The following NELL1 variants were observed in gnomAD, a reference collection of about 807,000 sequenced individuals.
NELL1 encodes the protein neural EGFL like 1, also known as protein kinase C-binding protein NELL1.
A neutral mutation model predicts 107.4 loss-of-function variants in NELL1; 76 were observed. That is an observed-to-expected ratio of 0.71 (90% confidence interval 0.59 to 0.86). The LOEUF (loss-of-function observed/expected upper bound fraction) is 0.86, where lower values mean the gene tolerates loss of function less well. NELL1 is among the 40% of genes least tolerant of loss of function. The pLI is 0.00. For missense variants in NELL1, 1,024 were observed against 1,005.5 expected (o/e 1.02, Z -0.25); for synonymous variants, 353 against 341.2 (o/e 1.03, Z -0.38).
chr11:20,936,100 A>G (rs750421986), intron 9 of NELL1, among the ~76,000 whole-genome samples: 84 of 152,268 alleles, frequency 5.5e-4, no homozygotes, highest in Non-Finnish European at 2.1e-4. Flanking sequence ...TGAAGGAAGA[A>G]GAATTGGGCA....
At chr11:20,757,084 C>T (rs1231787042) in intron 2 of NELL1, among the ~76,000 whole-genome samples, 1 of 152,020 alleles carries the variant, frequency 6.6e-6, no homozygotes, top group African/African-American at 2.4e-5. Flanking sequence ...TCTTCTTTCT[C>T]TCCCAACTTT....
intron 1 of NELL1, among the ~76,000 whole-genome samples, chr11:20,673,937 C>T (rs868142372): frequency 6.6e-6 from 1 of 151,974 alleles, no homozygotes; most frequent in African/African-American, 2.4e-5. Context: ...ATTCCCTAGG[C>T]AGTATGCAAA....
rs1793006 is a variant in NELL1 at position 20,674,539 on chromosome 11, C to T, written c.56-3393C>T. ...ATCGCTGATATGGAGAACTAGAGTTCTGAAGTCTCTGCTTCAGCAATCCCT... is the reference window on the plus strand; with the variant it reads ...ATCGCTGATATGGAGAACTAGAGTTTTGAAGTCTCTGCTTCAGCAATCCCT... On this transcript the variant is annotated intron_variant, in intron 1 of 19. Coordinates refer to ENST00000357134, the MANE Select transcript of NELL1 (RefSeq NM_006157.5). 5.4e-3 allele frequency: 8,343 copies of T among 1,535,608 alleles called. 365 individuals carry two copies. In the African/African-American group the frequency reaches 0.093, roughly 17 times the overall value.
In NELL1 at chr11:21,572,055, C is replaced by A. The variant is rs538034242; in HGVS notation, c.2157+1115C>A. ...TCACTCCTATGACTGAGAAGCATGA[C>A]TCAGATAAATAAAAATTGTAGTCAT... On this transcript the variant is annotated intron_variant, in intron 18 of 19. Transcript: ENST00000357134. Among the ~76,000 whole-genome samples, 37 of 151,416 alleles carry A rather than the reference C, an allele frequency of 2.4e-4. No individual in the cohort carries two copies. In the South Asian group the frequency reaches 7.3e-3, roughly 30 times the overall value.
chr11:21,010,579 T>C (rs1852425403), intron 12 of NELL1, among the ~76,000 whole-genome samples: 1 of 152,054 alleles, frequency 6.6e-6, no homozygotes, highest in Admixed American at 6.6e-5. Flanking sequence ...CTGGTTTCCT[T>C]CTTCCTCAAA....
At chr11:20,751,785 C>A (rs1292008696) in intron 2 of NELL1, among the ~76,000 whole-genome samples, 1 of 152,100 alleles carries the variant, frequency 6.6e-6, no homozygotes, top group Non-Finnish European at 1.5e-5. Context: ...TCACCATGGC[C>A]AGCTTTTTGT....
intron 15 of NELL1, among the ~76,000 whole-genome samples, chr11:21,518,860 T>G (rs1855640022): frequency 6.6e-6 from 1 of 152,204 alleles, no homozygotes; most frequent in African/African-American, 2.4e-5. Context: ...GAGATAAAAA[T>G]ATTCCATTGG....
intron 12 of NELL1, among the ~76,000 whole-genome samples, chr11:21,014,968 AT>A (rs1297501953): frequency 6.6e-6 from 1 of 151,936 alleles, no homozygotes; most frequent in Admixed American, 6.6e-5. Flanking sequence ...TTTATCAGAT[AT>A]TTTCTTTTTC....
chr11:21,274,304 T>C (rs1357891978), intron 14 of NELL1, among the ~76,000 whole-genome samples: 4 of 149,916 alleles, frequency 2.7e-5, no homozygotes, highest in Non-Finnish European at 4.5e-5. Flanking sequence ...AAGAGACAAG[T>C]CCATTACATA....
chr11:21,295,104 T>A (rs1849347225), intron 14 of NELL1, among the ~76,000 whole-genome samples: 1 of 152,062 alleles, frequency 6.6e-6, no homozygotes, highest in African/African-American at 2.4e-5. Context: ...TCAGGTATGG[T>A]TGTAATTGGT....
chr11:21,157,155 A>ATG, intron 13 of NELL1, among the ~76,000 whole-genome samples: 1 of 138,238 alleles, frequency 7.2e-6, no homozygotes, highest in South Asian at 2.3e-4. Flanking sequence ...GTATGTATAT[A>ATG]TATATATGTG....
At chr11:21,255,132 GGTGGA>G (rs1230640151) in intron 14 of NELL1, among the ~76,000 whole-genome samples, 2 of 151,968 alleles carry the variant, frequency 1.3e-5, no homozygotes, top group Non-Finnish European at 2.9e-5. Flanking sequence ...CTTAACCCTG[GGTGGA>G]GTGGTCTTAA....
chr11:20,727,395 C>A (rs1855532350), intron 2 of NELL1, among the ~76,000 whole-genome samples: 1 of 152,180 alleles, frequency 6.6e-6, no homozygotes, highest in African/African-American at 2.4e-5. Context: ...TAAATGTCTT[C>A]TTTTGAGAAG....
intron 14 of NELL1, among the ~76,000 whole-genome samples, chr11:21,234,773 G>T (rs561378650): frequency 5.6e-4 from 86 of 152,262 alleles, no homozygotes; most frequent in African/African-American, 2.0e-3. Context: ...AGAAGCAGAA[G>T]GCCAGAGGTT....
chr11:21,374,887 C>CTGTGTG lies in NELL1; in HGVS notation c.1645+3975_1645+3980dup, dbSNP rs10566953. Among the ~76,000 whole-genome samples, 586 of 143,844 alleles carry CTGTGTG rather than the reference C, an allele frequency of 4.1e-3. 1 individual carries two copies. The highest frequency in any genetic ancestry group is 0.018 in the South Asian group (78 of 4,244). 94.4% of individuals were successfully genotyped at this position (143,844 alleles called of 152,430 possible). ...GCTGTGTGGAACTGACTGTGTGTGT[C>CTGTGTG]TGTGTGTGTGTGTGTGTGTGTGTGT... On this transcript the variant is annotated intron_variant, in intron 15 of 19. Transcript: ENST00000357134.
intron 12 of NELL1, among the ~76,000 whole-genome samples, chr11:21,112,387 G>A (rs755717080): frequency 7.3e-5 from 11 of 151,610 alleles, no homozygotes; most frequent in East Asian, 1.9e-4. Context: ...TTTTATCCTC[G>A]GTTTCTGTAC....
chr11:20,702,258 T>C (rs188292678), intron 2 of NELL1, among the ~76,000 whole-genome samples: 2,263 of 152,264 alleles, frequency 0.015, 52 homozygotes, highest in African/African-American at 0.052. Flanking sequence ...GGTATTTTAT[T>C]CTCTTTGAAG....
At chr11:21,027,085 C>T (rs1852832533) in intron 12 of NELL1, among the ~76,000 whole-genome samples, 1 of 152,036 alleles carries the variant, frequency 6.6e-6, no homozygotes, top group Non-Finnish European at 1.5e-5. Flanking sequence ...TCTCACTGAG[C>T]ATTAAAGGAA....
At chr11:20,755,549 TGTTTTTGTTTTTG>T (rs1259799478) in intron 2 of NELL1, among the ~76,000 whole-genome samples, 570 of 39,484 alleles carry the variant, frequency 0.014, 6 homozygotes, top group African/African-American at 0.035. Context: ...TGTTTTTTTT[TGTTTTTGTTTTTG>T]TTTTTTTTTT....
Sources: allele counts gnomAD v4.1 joint callset (sites outside exome capture counted in the v4.1 genomes callset), GRCh38; gene constraint gnomAD v4.1.1; transcripts MANE v1.5; gene names NCBI Gene and HGNC (gene_info 2026-07-23, HGNC 2026-07-21).